RBFOX2: variants seen among roughly 807,000 people sequenced by gnomAD.
The protein encoded by RBFOX2 is RNA binding protein fox-1 homolog 2.
In RBFOX2, 10 loss-of-function variants were observed where a neutral mutation model predicts 49.1. The observed-to-expected ratio is 0.20, with a 90% CI of 0.13 to 0.35. The LOEUF (loss-of-function observed/expected upper bound fraction) is 0.35, where lower values mean the gene tolerates loss of function less well. Ranked by LOEUF, RBFOX2 falls within the 10% of genes least tolerant of loss-of-function variation. The pLI is 1.00. For missense variants in RBFOX2, 323 were observed against 486.9 expected, an observed-to-expected ratio of 0.66 and a Z score of 3.17; for synonymous variants, 183 against 187.4, an observed-to-expected ratio of 0.98 and a Z score of 0.19.
chr22:35,935,003 T>C (rs537948777), intron 1 of RBFOX2, among the ~76,000 whole-genome samples: 3 of 152,138 alleles, frequency 2.0e-5, no homozygotes, highest in Non-Finnish European at 4.4e-5. Flanking sequence ...GGCACAATCA[T>C]AGCTCACCAC....
chr22:35,806,220 T>A (rs1439089120), intron 2 of RBFOX2, among the ~76,000 whole-genome samples: 1 of 151,990 alleles, frequency 6.6e-6, no homozygotes, highest in Non-Finnish European at 1.5e-5. Flanking sequence ...CATGCATGTG[T>A]GGGAACAGAA....
At chr22:35,746,349 G>A in intron 10 of RBFOX2, 124 bp downstream of exon 12, 1 of 904,792 alleles carries the variant, frequency 1.1e-6, no homozygotes, top group South Asian at 1.7e-5. Flanking sequence ...AGAAAGCCCA[G>A]GCTGGCAAGA....
intron 1 of RBFOX2, among the ~76,000 whole-genome samples, chr22:35,916,374 C>T (rs1305584548): frequency 1.3e-5 from 2 of 152,182 alleles, no homozygotes; most frequent in African/African-American, 4.8e-5. Flanking sequence ...CTCTGCCTCC[C>T]GGATTCAAGC....
At chr22:35,928,479 C>T (rs926046035) in intron 1 of RBFOX2, among the ~76,000 whole-genome samples, 5 of 152,166 alleles carry the variant, frequency 3.3e-5, no homozygotes, top group Non-Finnish European at 7.3e-5. Context: ...TAGCCAAGCA[C>T]GAAGCCACTA....
At chr22:35,931,918 C>T (rs1030233872) in intron 1 of RBFOX2, among the ~76,000 whole-genome samples, 2 of 152,184 alleles carry the variant, frequency 1.3e-5, no homozygotes, top group African/African-American at 4.8e-5. Context: ...TCGTTAGTCA[C>T]AATCGACAAT....
At chr22:35,880,158 A>AG (rs1004754809) in intron 1 of RBFOX2, among the ~76,000 whole-genome samples, 1 of 152,188 alleles carries the variant, frequency 6.6e-6, no homozygotes, top group African/African-American at 2.4e-5. Flanking sequence ...GAGGAAAAAA[A>AG]AAAAAGGAAG....
At chr22:35,845,730 G>C (rs2041097862) in intron 1 of RBFOX2, among the ~76,000 whole-genome samples, 1 of 152,106 alleles carries the variant, frequency 6.6e-6, no homozygotes, top group Non-Finnish European at 1.5e-5. Context: ...AAAATGGATG[G>C]GATGTAAACA....
At chr22:35,887,716 C>T (rs2046763517) in intron 1 of RBFOX2, among the ~76,000 whole-genome samples, 1 of 152,134 alleles carries the variant, frequency 6.6e-6, no homozygotes, top group Non-Finnish European at 1.5e-5. Flanking sequence ...AGTCTTATCA[C>T]TCTGATAACT....
At chr22:35,968,721 C>T (rs770146512) in intron 1 of RBFOX2, among the ~76,000 whole-genome samples, 1 of 152,154 alleles carries the variant, frequency 6.6e-6, no homozygotes, top group Non-Finnish European at 1.5e-5. Context: ...ACTATGGTCC[C>T]ATAGTGCTAG....
chr22:35,935,408 T>C (rs2052943444), intron 1 of RBFOX2, among the ~76,000 whole-genome samples: 1 of 152,164 alleles, frequency 6.6e-6, no homozygotes, highest in Non-Finnish European at 1.5e-5. Flanking sequence ...AGCTTCTTAA[T>C]AGATCAAGAA....
intron 9 of RBFOX2, among the ~76,000 whole-genome samples, chr22:35,751,303 C>G (rs1359883739): frequency 6.6e-6 from 1 of 152,030 alleles, no homozygotes; most frequent in Non-Finnish European, 1.5e-5. Flanking sequence ...AAGACAATGA[C>G]ATTATGTGAC....
chr22:35,955,353 CAAT>C (rs1279112673), intron 1 of RBFOX2, among the ~76,000 whole-genome samples: 1 of 151,988 alleles, frequency 6.6e-6, no homozygotes, highest in African/African-American at 2.4e-5. Context: ...TTAAAAGTAT[CAAT>C]AATAAACCAA....
chr22:35,822,101 C>G, intron 1 of RBFOX2: 1 of 429,268 alleles, frequency 2.3e-6, no homozygotes, highest in Non-Finnish European at 4.6e-6. Context: ...ATGGTACTCC[C>G]CAATAAAGTG....
chr22:35,753,368 G>C (rs1205693677), intron 9 of RBFOX2, among the ~76,000 whole-genome samples: 2 of 152,142 alleles, frequency 1.3e-5, no homozygotes, highest in Non-Finnish European at 2.9e-5. Context: ...AGTTTTAAAA[G>C]CAACAGTTGT....
intron 1 of RBFOX2, among the ~76,000 whole-genome samples, chr22:36,004,055 A>AT (rs1165112705): frequency 6.6e-5 from 10 of 152,144 alleles, no homozygotes; most frequent in African/African-American, 2.4e-4. Flanking sequence ...AAAACTCAAA[A>AT]ATGTCTCCAG....
intron 1 of RBFOX2, among the ~76,000 whole-genome samples, chr22:35,891,319 G>C (rs2047216426): frequency 6.6e-6 from 1 of 152,086 alleles, no homozygotes; most frequent in Admixed American, 6.5e-5. Flanking sequence ...ATTTTTAGTA[G>C]AGACGGTGTT....
intron 1 of RBFOX2, among the ~76,000 whole-genome samples, chr22:35,944,483 A>G (rs1458952703): frequency 6.6e-6 from 1 of 152,238 alleles, no homozygotes; most frequent in African/African-American, 2.4e-5. Context: ...GAAAAAAGGT[A>G]CTATTTTTTG....
At chr22:35,777,364 T>C (rs1287290243) in intron 4 of RBFOX2, among the ~76,000 whole-genome samples, 1 of 152,198 alleles carries the variant, frequency 6.6e-6, no homozygotes, top group African/African-American at 2.4e-5. Flanking sequence ...ATAGAACACA[T>C]TTAGAGGAAA....
At chr22:35,936,851 G>T (rs770206160) in intron 1 of RBFOX2, among the ~76,000 whole-genome samples, 2 of 152,126 alleles carry the variant, frequency 1.3e-5, no homozygotes, top group Non-Finnish European at 2.9e-5. Context: ...CCCACAAGAA[G>T]AATACAGTAC....
Sources: allele counts gnomAD v4.1 joint callset (sites outside exome capture counted in the v4.1 genomes callset), GRCh38; gene constraint gnomAD v4.1.1; transcripts MANE v1.5; gene names NCBI Gene and HGNC (gene_info 2026-07-23, HGNC 2026-07-21).